Variants in EIF2AK2 observed in about 807,000 individuals in gnomAD.
EIF2AK2 encodes the protein eukaryotic translation initiation factor 2 alpha kinase 2, also known as interferon-induced, double-stranded RNA-activated protein kinase.
Under a neutral mutation model 70.5 loss-of-function variants are expected in EIF2AK2, and 40 were observed. The ratio of observed to expected loss-of-function variants is 0.57; its 90% confidence interval spans 0.44 to 0.74. The LOEUF (loss-of-function observed/expected upper bound fraction) is 0.74, where lower values mean the gene tolerates loss of function less well. Ranked by LOEUF, EIF2AK2 falls within the 30% of genes least tolerant of loss-of-function variation. EIF2AK2 has a pLI of 0.00. For synonymous variants in EIF2AK2, 198 were observed against 220.9 expected, an observed-to-expected ratio of 0.90 and a Z score of 0.92; for missense variants, 555 against 644.3, an observed-to-expected ratio of 0.86 and a Z score of 1.50.
intron 10 of EIF2AK2, among the ~76,000 whole-genome samples, chr2:37,132,437 A>C (rs1291560121): frequency 3.9e-5 from 6 of 152,088 alleles, no homozygotes; most frequent in Non-Finnish European, 1.5e-5. Flanking sequence ...TAAAAATACA[A>C]AATTAGCCAG....
At chr2:37,151,162 A>G (rs116707527) in intron 1 of EIF2AK2, among the ~76,000 whole-genome samples, 1,730 of 152,262 alleles carry the variant, frequency 0.011, 30 homozygotes, top group African/African-American at 0.039. Context: ...TAAAATGACA[A>G]TCTACAGAAT....
chr2:37,146,463 C>A (rs1675542675), intron 4 of EIF2AK2, among the ~76,000 whole-genome samples: 1 of 152,214 alleles, frequency 6.6e-6, no homozygotes, highest in South Asian at 2.1e-4. Context: ...GAGTGAGTGA[C>A]CACTGTACAT....
chr2:37,131,606 G>A (rs1456053629), intron 10 of EIF2AK2, among the ~76,000 whole-genome samples: 1 of 152,028 alleles, frequency 6.6e-6, no homozygotes, highest in Non-Finnish European at 1.5e-5. Context: ...CACTGATTTT[G>A]GACCCTGACC....
intron 3 of EIF2AK2, 120 bp from the exon 4 acceptor site, chr2:37,147,093 T>C (rs1675572528): frequency 2.1e-6 from 2 of 940,370 alleles, no homozygotes; most frequent in Non-Finnish European, 1.5e-6. Context: ...ACATTCAATA[T>C]AGCATTTAAG....
intron 1 of EIF2AK2, among the ~76,000 whole-genome samples, chr2:37,155,366 T>C (rs1374965702): frequency 2.0e-5 from 3 of 152,226 alleles, no homozygotes; most frequent in Admixed American, 6.5e-5. Flanking sequence ...GGCTCAATAA[T>C]GAATGAGTGA....
chr2:37,115,045 C>CT (rs1183840580), intron 13 of EIF2AK2, among the ~76,000 whole-genome samples, 186 bp from the exon 14 acceptor site: 287 of 138,048 alleles, frequency 2.1e-3, no homozygotes, highest in Admixed American at 3.6e-3. Flanking sequence ...GTCAGGATTT[C>CT]TTTTTTTTTT....
In EIF2AK2 at chr2:37,139,637, G is replaced by C. The variant is rs539074013; in HGVS notation, c.510C>G (p.Thr170=). The change falls in exon 6 of 17, where the codon ACC becomes ACG. Residue 170 remains threonine (T), a synonymous_variant. Transcript: ENST00000233057. ...LAYLQILSEE[T]SVKSDYLSSG... is the part of the protein sequence containing the mutation. ...ATCCAAAGGCAATACGTACCACTGA[G>C]GTTTCTTCTGATAATATCTGAAGAT... The C allele has an allele frequency of 1.9e-6, 3 of 1,611,132 alleles. No individual in the cohort carries two copies. The East Asian group carries it at 6.7e-5, about 36-fold the overall frequency.
chr2:37,148,542 T>C (rs1369562246), intron 2 of EIF2AK2: 4 of 712,814 alleles, frequency 5.6e-6, no homozygotes, highest in Admixed American at 2.0e-5. Flanking sequence ...GATGGATCGA[T>C]AGTTGCAGTC....
intron 15 of EIF2AK2, among the ~76,000 whole-genome samples, chr2:37,108,146 CAAA>C (rs569711940): frequency 6.8e-5 from 8 of 117,074 alleles, no homozygotes; most frequent in African/African-American, 3.1e-5. Context: ...AACTCTATCT[CAAA>C]AAAAAAAAAA....
chr2:37,121,257 C>G (rs1573009038), intron 12 of EIF2AK2, among the ~76,000 whole-genome samples: 1 of 92,780 alleles, frequency 1.1e-5, no homozygotes, highest in East Asian at 2.7e-4. Context: ...TGCGAGACAC[C>G]GTCTCAAAAA....
At chr2:37,145,387 C>G (rs913858767) in intron 4 of EIF2AK2, among the ~76,000 whole-genome samples, 6 of 152,194 alleles carry the variant, frequency 3.9e-5, no homozygotes, top group African/African-American at 1.4e-4. Context: ...AGGTGATCTG[C>G]CTGCCTTGGC....
intron 10 of EIF2AK2, among the ~76,000 whole-genome samples, chr2:37,128,784 C>T (rs368363811): frequency 3.3e-5 from 5 of 152,166 alleles, no homozygotes; most frequent in African/African-American, 1.2e-4. Flanking sequence ...GATGCAGTCC[C>T]CCATAGAGGC....
At chr2:37,128,155 T>C (rs1417793458) in intron 10 of EIF2AK2, among the ~76,000 whole-genome samples, 1 of 152,220 alleles carries the variant, frequency 6.6e-6, no homozygotes, top group East Asian at 1.9e-4. Context: ...GCCAATTCTA[T>C]ATTGGGTGCT....
Position 37,136,950 on chromosome 2 carries a change from A to C in EIF2AK2, c.722+33T>G, listed in dbSNP as rs2148698712. 9 of 1,583,748 alleles carry C rather than the reference A, an allele frequency of 5.7e-6. No individual in the cohort carries two copies. In the Middle Eastern group the frequency reaches 8.4e-4, roughly 148 times the overall value. On this transcript the variant is annotated intron_variant, in intron 9 of 16. Coordinates refer to ENST00000233057, the MANE Select transcript of EIF2AK2 (RefSeq NM_001135651.3). The stretch of plus-strand genomic sequence containing the variant: ...AAATAAGTCTGAAATAAAACTTCAG[A>C]TCAAAATATGTTCAATGCATAATGA...
intron 14 of EIF2AK2, among the ~76,000 whole-genome samples, chr2:37,113,613 C>G (rs892196497): frequency 2.0e-5 from 3 of 151,260 alleles, no homozygotes; most frequent in African/African-American, 7.3e-5. Context: ...GATCAACACC[C>G]AATATAGATC....
At chr2:37,129,694 A>G (rs1674874261) in intron 10 of EIF2AK2, among the ~76,000 whole-genome samples, 3 of 152,172 alleles carry the variant, frequency 2.0e-5, no homozygotes, top group African/African-American at 7.2e-5. Flanking sequence ...AAGAAACCCC[A>G]TACAAAACAC....
intron 14 of EIF2AK2, among the ~76,000 whole-genome samples, chr2:37,110,267 G>GT (rs1244469386): frequency 6.7e-6 from 1 of 148,866 alleles, no homozygotes; most frequent in African/African-American, 2.5e-5. Flanking sequence ...CTGTATTTTT[G>GT]TTTTTTTAGT....
At chr2:37,118,245 T>A (rs1167961803) in intron 13 of EIF2AK2, among the ~76,000 whole-genome samples, 1 of 151,720 alleles carries the variant, frequency 6.6e-6, no homozygotes, top group Non-Finnish European at 1.5e-5. Flanking sequence ...GCCCAGGAGG[T>A]CAAGGCTGTA....
At chr2:37,118,851 A>C (rs1254110508) in intron 13 of EIF2AK2, among the ~76,000 whole-genome samples, 1 of 152,170 alleles carries the variant, frequency 6.6e-6, no homozygotes, top group Non-Finnish European at 1.5e-5. Context: ...TCTCTCAAGG[A>C]ATTTTTTTGT....
Sources: gnomAD v4.1 joint callset for allele counts (sites outside exome capture counted in the v4.1 genomes callset) on GRCh38, gnomAD v4.1.1 for gene constraint, MANE v1.5 for transcripts, NCBI Gene and HGNC (gene_info 2026-07-23, HGNC 2026-07-21) for gene names.